The following SLC4A4 variants were observed in gnomAD, a reference collection of about 807,000 sequenced individuals.
SLC4A4 encodes solute carrier family 4 member 4.
A neutral mutation model predicts 111.5 loss-of-function variants in SLC4A4; 27 were observed. The ratio of observed to expected loss-of-function variants is 0.24; its 90% CI spans 0.18 to 0.33. The LOEUF (loss-of-function observed/expected upper bound fraction) is 0.33, where lower values mean the gene tolerates loss of function less well. Among genes scored for constraint, SLC4A4 ranks in the 10% least tolerant of loss-of-function variants. The probability of loss-of-function intolerance (pLI) is 1.00; values close to 1 mark genes in which losing one functional copy is unlikely to be tolerated. For synonymous variants in SLC4A4, 443 were observed against 463.4 expected (o/e 0.96, Z 0.57); for missense variants, 909 against 1,315.5 (o/e 0.69, Z 4.78).
chr4:71,222,948 G>C (rs1207751875), intron 1 of SLC4A4, among the ~76,000 whole-genome samples: 6 of 152,158 alleles, frequency 3.9e-5, no homozygotes, highest in Non-Finnish European at 8.8e-5. Flanking sequence ...CAACCATGTG[G>C]CCAAGTGGTG....
At chr4:71,337,525 T>G (rs908864028) in intron 3 of SLC4A4, among the ~76,000 whole-genome samples, 4 of 152,172 alleles carry the variant, frequency 2.6e-5, no homozygotes, top group African/African-American at 9.7e-5. Context: ...TTTTCTGTTT[T>G]CTCAGTTATA....
At chr4:71,456,651 A>C (rs1460443651) in intron 12 of SLC4A4, among the ~76,000 whole-genome samples, 1 of 152,182 alleles carries the variant, frequency 6.6e-6, no homozygotes, top group Admixed American at 6.6e-5. Context: ...AGTGTCTACT[A>C]TGTGTTTGAC....
intron 2 of SLC4A4, among the ~76,000 whole-genome samples, chr4:71,245,063 T>C (rs1006457050): frequency 1.6e-4 from 24 of 152,226 alleles, no homozygotes; most frequent in Middle Eastern, 3.4e-3. Context: ...AAAAGGAATT[T>C]GCTAGGTGAA....
intron 3 of SLC4A4, among the ~76,000 whole-genome samples, chr4:71,273,752 C>T (rs1470667382): frequency 6.6e-6 from 1 of 151,202 alleles, no homozygotes; most frequent in African/African-American, 2.4e-5. Flanking sequence ...TGAGAAGTAG[C>T]TCTGAGAAGC....
At chr4:71,223,695 T>C (rs1718887522) in intron 1 of SLC4A4, among the ~76,000 whole-genome samples, 1 of 152,074 alleles carries the variant, frequency 6.6e-6, no homozygotes. Context: ...TAGGCCGCCA[T>C]TTCCCTTTCC....
Position 71,238,102 on chromosome 4 carries a change from G to A in SLC4A4, c.73+1453G>A, listed in dbSNP as rs528915817. The stretch of plus-strand genomic sequence containing the variant: ...GAGGAGTTATAGCATATGAATATAA[G>A]AAATAATGTAGCTTTGAGCAAATAG... On this transcript the variant is annotated intron_variant, in intron 2 of 25. Transcript: ENST00000264485. Among the ~76,000 whole-genome samples the A allele has an allele frequency of 2.0e-5, 3 of 152,318 alleles. No homozygotes were observed. In the South Asian group the frequency reaches 6.2e-4, roughly 32 times the overall value.
chr4:71,447,521 T>C, intron 8 of SLC4A4, 125 bp from the exon 9 acceptor site: 1 of 714,518 alleles, frequency 1.4e-6, no homozygotes, highest in South Asian at 1.5e-5. Flanking sequence ...ATATATTACC[T>C]TTGTTTTAAA....
At chr4:71,466,699 C>T (rs1313129010) in intron 13 of SLC4A4, 122 bp downstream of exon 13, 18 of 1,050,722 alleles carry the variant, frequency 1.7e-5, no homozygotes, top group Non-Finnish European at 2.6e-5. Context: ...CTGGAATGTT[C>T]AGATGTGAGA....
Position 71,356,994 on chromosome 4 carries a change from T to C in SLC4A4, c.551-14T>C. The C allele has an allele frequency of 6.2e-7, 1 of 1,613,440 alleles. No individual in the cohort carries two copies. On this transcript the variant is annotated splice_polypyrimidine_tract_variant and intron_variant, in intron 5 of 25. Transcript: ENST00000264485. ...GTGACTGAGTTTTGTTTTTTGCTTT[T>C]GTTTTTGTACCAGAGATGATTGTTG...
chr4:71,468,679 G>A (rs1212767945), intron 13 of SLC4A4, among the ~76,000 whole-genome samples: 1 of 150,998 alleles, frequency 6.6e-6, no homozygotes, highest in Non-Finnish European at 1.5e-5. Flanking sequence ...TATTTGGGTA[G>A]ATCACTATTT....
In SLC4A4 at chr4:71,294,274, C is replaced by T. The variant is rs529237610; in HGVS notation, c.253+38875C>T. On this transcript the variant is annotated intron_variant, in intron 3 of 25. Transcript: ENST00000264485. ...CTAGGGCTACAGTCAAACAGATTCC[C>T]CCTGACAGGTGTGGAACTTGTCTTC... 2.0e-5 allele frequency among the ~76,000 whole-genome samples: 3 copies of T among 152,270 alleles called. No homozygotes were observed. The South Asian group carries it at 6.2e-4, about 32-fold the overall frequency.
intron 6 of SLC4A4, among the ~76,000 whole-genome samples, chr4:71,379,610 G>A (rs1256156144): frequency 6.6e-6 from 1 of 151,834 alleles, no homozygotes; most frequent in Non-Finnish European, 1.5e-5. Flanking sequence ...ATACAAATAT[G>A]TTTCCTTCAT....
chr4:71,550,921 C>G (rs1735929899), intron 20 of SLC4A4, among the ~76,000 whole-genome samples: 1 of 151,850 alleles, frequency 6.6e-6, no homozygotes, highest in South Asian at 2.1e-4. Context: ...CACGAGGATA[C>G]CCCTTGACCC....
chr4:71,347,295 A>G (rs1253719367), intron 4 of SLC4A4, among the ~76,000 whole-genome samples: 1 of 152,142 alleles, frequency 6.6e-6, no homozygotes, highest in Non-Finnish European at 1.5e-5. Context: ...TTAAACTTAT[A>G]TTATTTGGAC....
At chr4:71,125,619 TGAAATAACAATTTGAA>T (rs1363499757) in intron 2 of SLC4A4, among the ~76,000 whole-genome samples, 7 of 152,200 alleles carry the variant, frequency 4.6e-5, no homozygotes, top group Non-Finnish European at 8.8e-5. Context: ...TCAAAATTAT[TGAAATAACAATTTGAA>T]ATAGGAATTC....
At chr4:71,250,236 A>G (rs755466425) in intron 2 of SLC4A4, among the ~76,000 whole-genome samples, 5 of 152,214 alleles carry the variant, frequency 3.3e-5, no homozygotes, top group Non-Finnish European at 7.3e-5. Context: ...AGACCAGGTT[A>G]TATTAGATAA....
chr4:71,122,997 A>G (rs577535762), intron 2 of SLC4A4, among the ~76,000 whole-genome samples: 1 of 152,362 alleles, frequency 6.6e-6, no homozygotes, highest in South Asian at 2.1e-4. Flanking sequence ...TAATGCCTGT[A>G]AAACAAGAAC....
intron 1 of SLC4A4, among the ~76,000 whole-genome samples, chr4:71,233,625 A>G (rs1719593549): frequency 6.6e-6 from 1 of 152,002 alleles, no homozygotes; most frequent in Non-Finnish European, 1.5e-5. Context: ...TTTATCTCTA[A>G]TCCTGAGCCT....
intron 1 of SLC4A4, among the ~76,000 whole-genome samples, chr4:71,070,390 C>T (rs140564635): frequency 2.0e-5 from 3 of 152,248 alleles, no homozygotes; most frequent in Non-Finnish European, 4.4e-5. Flanking sequence ...TCTACAATTG[C>T]CAAGGTGGGA....
Sources: allele counts gnomAD v4.1 joint callset (sites outside exome capture counted in the v4.1 genomes callset), GRCh38; gene constraint gnomAD v4.1.1; transcripts MANE v1.5; gene names NCBI Gene and HGNC (gene_info 2026-07-23, HGNC 2026-07-21).